Variants in DPP6 observed in about 807,000 individuals in gnomAD.
DPP6 encodes dipeptidyl peptidase like 6.
DPP6 carries 69 observed loss-of-function variants against 122.6 expected under a neutral mutation model. The observed-to-expected ratio is 0.56, with a 90% CI of 0.46 to 0.69. DPP6 has a LOEUF of 0.69. DPP6 is among the 30% of genes least tolerant of loss of function. DPP6 has a pLI of 0.00. For synonymous variants in DPP6, 418 were observed against 433.1 expected (o/e 0.97, Z 0.43); for missense variants, 928 against 1,116.9 (o/e 0.83, Z 2.41).
At chr7:154,318,009 C>CCAA (rs1161563445) in intron 1 of DPP6, among the ~76,000 whole-genome samples, 13 of 152,296 alleles carry the variant, frequency 8.5e-5, no homozygotes, top group Admixed American at 2.6e-4. Flanking sequence ...TTCAAATATT[C>CCAA]ATTTCATGAA....
intron 7 of DPP6, among the ~76,000 whole-genome samples, chr7:154,718,694 C>A (rs956359051): frequency 2.1e-5 from 3 of 141,436 alleles, no homozygotes; most frequent in Non-Finnish European, 4.5e-5. Context: ...GGCTGGAGTG[C>A]AGTGGCATGA....
At chr7:153,918,427 AACACACACACACACACACAC>A (rs5888535) in intron 1 of DPP6, among the ~76,000 whole-genome samples, 1 of 110,842 alleles carries the variant, frequency 9.0e-6, no homozygotes, top group Non-Finnish European at 1.8e-5. Flanking sequence ...AGTTAATTAA[AACACACACACACACACACAC>A]ACACACACAC....
intron 1 of DPP6, among the ~76,000 whole-genome samples, chr7:154,257,690 C>G (rs1563377760): frequency 6.6e-6 from 1 of 150,446 alleles, no homozygotes; most frequent in African/African-American, 2.5e-5. Context: ...AGAGTGAAAA[C>G]TCCATTTCAA....
chr7:153,966,620 T>C (rs1436579684), intron 1 of DPP6, among the ~76,000 whole-genome samples: 1 of 145,624 alleles, frequency 6.9e-6, no homozygotes, highest in East Asian at 2.1e-4. Flanking sequence ...TAAAAAATTA[T>C]ACTTTAATTT....
the DPP6 span, among the ~76,000 whole-genome samples, chr7:153,813,183 C>T: frequency 2.7e-5 from 4 of 150,658 alleles, no homozygotes; most frequent in East Asian, 7.9e-4. Context: ...CCCATCCCCC[C>T]ACCCTGCAAC....
the DPP6 span, among the ~76,000 whole-genome samples, chr7:153,840,953 ACT>A: frequency 6.6e-6 from 1 of 152,312 alleles, no homozygotes; most frequent in Admixed American, 6.5e-5. Flanking sequence ...GGAGCAGTCA[ACT>A]CTGTGTCCAG....
intron 1 of DPP6, among the ~76,000 whole-genome samples, chr7:154,272,782 GGAT>G (rs1006185675): frequency 6.6e-5 from 10 of 152,286 alleles, no homozygotes; most frequent in African/African-American, 2.4e-4. Context: ...CCAGCCCAGA[GGAT>G]GATGAGCTGG....
Position 154,137,245 on chromosome 7 carries a change from T to C in DPP6, c.243+84182T>C, listed in dbSNP as rs28566852. Among the ~76,000 whole-genome samples, 761 of 152,224 alleles carry C rather than the reference T, an allele frequency of 5.0e-3. 5 individuals are homozygous for C. Among genetic ancestry groups the C allele is most frequent in the African/African-American group, 0.017 (715 of 41,552 alleles). The stretch of plus-strand genomic sequence containing the variant: ...GCGTGTCTAGTTTGGGGCCACCTCT[T>C]TGCATCCCCCTGTGTAATTATTTTA... On this transcript the variant is annotated intron_variant, in intron 1 of 25. Transcript: ENST00000377770.
At chr7:154,327,111 G>T (rs1808511784) in intron 1 of DPP6, among the ~76,000 whole-genome samples, 1 of 151,948 alleles carries the variant, frequency 6.6e-6, no homozygotes, top group African/African-American at 2.4e-5. Flanking sequence ...TCATTTGGGG[G>T]GTCTGAATGG....
chr7:153,865,975 C>T, the DPP6 span, among the ~76,000 whole-genome samples: 117 of 152,234 alleles, frequency 7.7e-4, no homozygotes, highest in East Asian at 1.7e-3. Context: ...CTATAAAGGA[C>T]ATGAACCCAT....
At chr7:153,998,997 A>G (rs1484018505) in intron 1 of DPP6, among the ~76,000 whole-genome samples, 1 of 152,240 alleles carries the variant, frequency 6.6e-6, no homozygotes, top group Non-Finnish European at 1.5e-5. Flanking sequence ...GAGACTCTCA[A>G]GTGACTTAAC....
At chr7:153,832,760 G>C in the DPP6 span, among the ~76,000 whole-genome samples, 2 of 151,204 alleles carry the variant, frequency 1.3e-5, no homozygotes, top group African/African-American at 4.9e-5. Context: ...ATTTTTTTCT[G>C]TAAGCACACG....
intron 1 of DPP6, among the ~76,000 whole-genome samples, chr7:154,013,459 T>TTTC (rs1554434176): frequency 4.6e-5 from 4 of 86,830 alleles, no homozygotes; most frequent in South Asian, 4.6e-4. Context: ...GTTTCTTTTC[T>TTTC]TTTTTTTTTT....
Position 154,052,824 on chromosome 7 carries a change from G to T in DPP6, c.4G>T (p.Ala2Ser). 6.5e-7 allele frequency: 1 copy of T among 1,528,406 alleles called. No homozygotes were observed. Among genetic ancestry groups the T allele is most frequent in the South Asian group, 1.2e-5 (1 of 83,892 alleles). 94.7% of individuals were successfully genotyped at this position (1,528,406 alleles called of 1,614,324 possible). A position where few individuals can be genotyped will look rare whatever the true frequency, so the allele number is the denominator to read the frequency against. ...GCCAGCAGGAGCGCGGTGCCCGATG[G>T]CTTCGCTGTACCAGAGGTTCACTGG... The part of the protein sequence containing the change: M[A>S]SLYQRFTGKI... Residue 2 changes from alanine (A) to serine (S), a missense_variant, in exon 1 of 26, where the codon GCT becomes TCT. By Grantham distance (99) the Ala-to-Ser change is moderately conservative. Coordinates refer to ENST00000377770, the MANE Select transcript of DPP6 (RefSeq NM_130797.4). This position sits in a 1 kb window ranked among gnomAD's most constrained non-coding sequence, Gnocchi z 4.8.
chr7:154,548,521 A>C (rs947630716), intron 4 of DPP6, among the ~76,000 whole-genome samples: 5 of 148,024 alleles, frequency 3.4e-5, no homozygotes, highest in African/African-American at 1.3e-4. Flanking sequence ...GCGAGACTCC[A>C]TCTCAAAAAA....
intron 4 of DPP6, among the ~76,000 whole-genome samples, chr7:154,547,501 G>T (rs1024907016): frequency 6.6e-6 from 1 of 152,184 alleles, no homozygotes; most frequent in Admixed American, 6.5e-5. Flanking sequence ...CAGGACATGG[G>T]CCGACCAGCC....
At chr7:154,612,660 C>A (rs1833984821) in intron 5 of DPP6, among the ~76,000 whole-genome samples, 1 of 152,180 alleles carries the variant, frequency 6.6e-6, no homozygotes, top group Non-Finnish European at 1.5e-5. Context: ...GGATTCTTGT[C>A]TATGAATTCA....
chr7:154,884,616 CAT>C (rs1283307371), intron 21 of DPP6: 1 of 151,902 alleles, frequency 6.6e-6, no homozygotes, highest in East Asian at 1.9e-4. Flanking sequence ...ATTACATACA[CAT>C]GCTCACACAG....
At chr7:154,667,530 C>T (rs1169855618) in intron 6 of DPP6, among the ~76,000 whole-genome samples, 1 of 152,194 alleles carries the variant, frequency 6.6e-6, no homozygotes, top group Non-Finnish European at 1.5e-5. Context: ...GAGTTCCAGC[C>T]TGGCTAACAT....
Sources: gnomAD v4.1 joint callset for allele counts (sites outside exome capture counted in the v4.1 genomes callset) on GRCh38, gnomAD v4.1.1 for gene constraint, Gnocchi (gnomAD v3.1) non-coding constraint, MANE v1.5 for transcripts, NCBI Gene and HGNC (gene_info 2026-07-23, HGNC 2026-07-21) for gene names.